Variants in PRDM15 observed in about 807,000 individuals in gnomAD.
PRDM15 encodes the protein PR domain zinc finger protein 15.
A neutral mutation model predicts 128.6 loss-of-function variants in PRDM15; 64 were observed. The ratio of observed to expected loss-of-function variants is 0.50; its 90% confidence interval spans 0.41 to 0.61. PRDM15 has a LOEUF of 0.61. PRDM15 is among the 20% of genes least tolerant of loss of function. PRDM15 has a pLI of 0.00. For synonymous variants in PRDM15, 615 were observed against 621.8 expected (o/e 0.99, Z 0.16); for missense variants, 1,242 against 1,569.1 (o/e 0.79, Z 3.52).
chr21:41,862,205 G>A lies in PRDM15; in HGVS notation c.-9-1833C>T, dbSNP rs1396148021. ...CCCTGCAGGAACCCACGTGACTCACGGTCAGGAGCTTGGGCGATGGGAACG... is the reference window on the plus strand; with the variant it reads ...CCCTGCAGGAACCCACGTGACTCACAGTCAGGAGCTTGGGCGATGGGAACG... On this transcript the variant is annotated intron_variant, in intron 1 of 23. Coordinates refer to ENST00000398548, the MANE Select transcript of PRDM15 (RefSeq NM_001040424.3). This position sits in a 1 kb window ranked among gnomAD's most constrained non-coding sequence, Gnocchi z 4.1. Among the ~76,000 whole-genome samples the A allele has an allele frequency of 3.3e-5, 5 of 152,190 alleles. No individual in the cohort carries two copies. The highest frequency in any genetic ancestry group is 2.1e-4 in the South Asian group (1 of 4,836).
chr21:41,876,620 T>C (rs1169632010), intron 1 of PRDM15, among the ~76,000 whole-genome samples: 1 of 152,024 alleles, frequency 6.6e-6, no homozygotes, highest in Non-Finnish European at 1.5e-5. Flanking sequence ...GACCTTTCCT[T>C]AGGAGGAGCC....
intron 18 of PRDM15, among the ~76,000 whole-genome samples, chr21:41,816,088 C>T (rs575727146): frequency 3.3e-5 from 5 of 152,370 alleles, no homozygotes; most frequent in African/African-American, 9.6e-5. Flanking sequence ...GCCCTGACCA[C>T]GCGAGCAACG....
chr21:41,826,508 A>C (rs746504388), intron 12 of PRDM15, among the ~76,000 whole-genome samples: 1 of 152,216 alleles, frequency 6.6e-6, no homozygotes, highest in East Asian at 1.9e-4. Context: ...GCAAATTAAC[A>C]TTAGTCAAAT....
intron 21 of PRDM15, among the ~76,000 whole-genome samples, chr21:41,808,523 T>G (rs1341517047): frequency 1.3e-5 from 2 of 152,208 alleles, no homozygotes; most frequent in Admixed American, 6.5e-5. Flanking sequence ...AGACGGTGCT[T>G]TCCCAATTCC....
At chr21:41,878,840 C>CGG (rs1281943376) in intron 1 of PRDM15, 7 of 897,246 alleles carry the variant, frequency 7.8e-6, no homozygotes, top group Non-Finnish European at 6.3e-6. Context: ...CGCGGGGCCG[C>CGG]GGGCCGGGGC....
intron 18 of PRDM15, among the ~76,000 whole-genome samples, chr21:41,816,155 G>A (rs1190489608): frequency 6.6e-6 from 1 of 152,236 alleles, no homozygotes; most frequent in East Asian, 1.9e-4. Flanking sequence ...GGAGAATTCG[G>A]TGAGAGATAG....
chr21:41,860,658 T>A (rs181885622), intron 1 of PRDM15, among the ~76,000 whole-genome samples: 86 of 152,314 alleles, frequency 5.6e-4, no homozygotes, highest in Middle Eastern at 6.8e-3. Flanking sequence ...CTTGACCTTG[T>A]GATCCGCCTG....
At chr21:41,820,062 G>C (rs781116157) in intron 17 of PRDM15, 33 bp downstream of exon 17, 1 of 1,593,692 alleles carries the variant, frequency 6.3e-7, no homozygotes, top group East Asian at 2.2e-5. Context: ...CCTCCAGCGA[G>C]GGCCGGGACC....
chr21:41,849,778 A>G (rs527573480), intron 5 of PRDM15, among the ~76,000 whole-genome samples: 1 of 152,080 alleles, frequency 6.6e-6, no homozygotes, highest in East Asian at 1.9e-4. Flanking sequence ...CTCTACTAAA[A>G]ATAAAAAAAT....
chr21:41,821,416 C>T lies in PRDM15; in HGVS notation c.1897-186G>A, dbSNP rs2062259333. Among the ~76,000 whole-genome samples the T allele has an allele frequency of 6.6e-6, 1 of 152,102 alleles. No homozygotes were observed. Among genetic ancestry groups the T allele is most frequent in the Admixed American group, 6.5e-5 (1 of 15,270 alleles). ...TTCCGAAGCCATAAGGCCTCATGCCCAAAACTCAAGAGCACGGGTGTCCTC... is the reference window on the plus strand; with the variant it reads ...TTCCGAAGCCATAAGGCCTCATGCCTAAAACTCAAGAGCACGGGTGTCCTC... On this transcript the variant is annotated intron_variant, in intron 15 of 23. Transcript: ENST00000398548. The surrounding 1 kb of genome is among the most constrained non-coding windows in gnomAD (Gnocchi z 5.4).
intron 17 of PRDM15, 69 bp from the exon 18 acceptor site, chr21:41,819,770 A>C: frequency 6.5e-7 from 1 of 1,535,540 alleles, no homozygotes; most frequent in Non-Finnish European, 8.7e-7. Context: ...AAGAGGATGC[A>C]CCAAGGAGAG....
Position 41,802,642 on chromosome 21 carries a change from A to G in PRDM15, c.2943+70T>C. On this transcript the variant is annotated intron_variant, in intron 23 of 23. Coordinates refer to ENST00000398548, the MANE Select transcript of PRDM15 (RefSeq NM_001040424.3). ...GTATAGTAAAAAGAGATGGAGTCAC[A>G]CACACGTAAGGCTCTCATGCTTAGG... 3 of 1,257,822 alleles carry G rather than the reference A, an allele frequency of 2.4e-6. No individual in the cohort carries two copies. In the South Asian group the frequency reaches 3.6e-5, roughly 15 times the overall value. 77.9% of individuals were successfully genotyped at this position (1,257,822 alleles called of 1,614,324 possible).
chr21:41,867,948 T>A (rs1479596267), intron 1 of PRDM15, among the ~76,000 whole-genome samples: 1 of 151,444 alleles, frequency 6.6e-6, no homozygotes, highest in African/African-American at 2.4e-5. Flanking sequence ...TCCCAGCTAC[T>A]TGGGAGGCTG....
intron 1 of PRDM15, among the ~76,000 whole-genome samples, chr21:41,877,874 A>T (rs1261760934): frequency 8.5e-5 from 8 of 94,368 alleles, no homozygotes; most frequent in Non-Finnish European, 1.3e-4. Context: ...AACAAACTAT[A>T]AAAAAAATGG....
rs1360634355 is a variant in PRDM15 at position 41,836,263 on chromosome 21, A to T, written c.1184-56T>A. The T allele has an allele frequency of 3.3e-6, 5 of 1,515,104 alleles. No homozygotes were observed. The Admixed American group carries it at 8.5e-5, about 26-fold the overall frequency. The allele number at this position is 1,515,104 out of a possible 1,614,324, so 93.9% of individuals were successfully genotyped here. A position where few individuals can be genotyped will look rare whatever the true frequency, so the allele number is the denominator to read the frequency against. On this transcript the variant is annotated intron_variant, in intron 9 of 23. Coordinates refer to ENST00000398548, the MANE Select transcript of PRDM15 (RefSeq NM_001040424.3). ...ACTACTTAGAGCATTTACCGAGAGAAGCATGCCCACCGGGGAAATGCCCCA... is the reference window on the plus strand; with the variant it reads ...ACTACTTAGAGCATTTACCGAGAGATGCATGCCCACCGGGGAAATGCCCCA...
Position 41,859,419 on chromosome 21 carries a change from T to G in PRDM15, c.131+173A>C, listed in dbSNP as rs531572528. 6.0e-4 allele frequency among the ~76,000 whole-genome samples: 92 copies of G among 152,326 alleles called. 1 individual carries two copies. The highest frequency in any genetic ancestry group is 2.1e-3 in the African/African-American group (88 of 41,570). Reference sequence around the variant, plus strand: ...GAGCTTTGAAGCACGTGTTTTGGTGTGTCCCGGCAGCAACGCTGCTCAGTT... The same window carrying G: ...GAGCTTTGAAGCACGTGTTTTGGTGGGTCCCGGCAGCAACGCTGCTCAGTT... On this transcript the variant is annotated intron_variant, in intron 3 of 23. Transcript: ENST00000398548. This position sits in a 1 kb window ranked among gnomAD's most constrained non-coding sequence, Gnocchi z 5.3.
intron 3 of PRDM15, among the ~76,000 whole-genome samples, chr21:41,858,574 T>C (rs1360310597): frequency 1.3e-5 from 2 of 149,924 alleles, no homozygotes; most frequent in African/African-American, 4.9e-5. Context: ...GAGGCGGACA[T>C]GGGGTGCCCA....
At chr21:41,863,029 C>T (rs553545940) in intron 1 of PRDM15, among the ~76,000 whole-genome samples, 12 of 152,028 alleles carry the variant, frequency 7.9e-5, no homozygotes, top group Admixed American at 1.3e-4. Context: ...ACTAGCCAGG[C>T]GCGGTGGCAC....
intron 3 of PRDM15, 23 bp from the exon 4 acceptor site, chr21:41,857,352 C>G: frequency 6.2e-7 from 1 of 1,612,938 alleles, no homozygotes; most frequent in Non-Finnish European, 8.5e-7. Context: ...TAAAACAAGA[C>G]TCAAAAGAGA....
Sources: allele counts gnomAD v4.1 joint callset (sites outside exome capture counted in the v4.1 genomes callset), GRCh38; gene constraint gnomAD v4.1.1; non-coding constraint Gnocchi (gnomAD v3.1); transcripts MANE v1.5; gene names NCBI Gene and HGNC (gene_info 2026-07-23, HGNC 2026-07-21).